Variants in PRSS3 observed in about 807,000 individuals in gnomAD.
PRSS3 encodes serine protease 3.
PRSS3 carries 14 observed loss-of-function variants against 20.8 expected under a neutral mutation model. The observed-to-expected ratio is 0.67, with a 90% CI of 0.44 to 1.05. The LOEUF is 1.05. Among genes scored for constraint, PRSS3 ranks in the 50% least tolerant of loss-of-function variants. The probability of loss-of-function intolerance (pLI) is 0.00; values close to 1 mark genes in which losing one functional copy is unlikely to be tolerated. For missense variants in PRSS3, 237 were observed against 306.4 expected, an observed-to-expected ratio of 0.77 and a Z score of 1.69; for synonymous variants, 91 against 117.6, an observed-to-expected ratio of 0.77 and a Z score of 1.46.
At chr9:33,753,162 T>C (rs1463140347) in intron 1 of PRSS3, among the ~76,000 whole-genome samples, 1 of 152,204 alleles carries the variant, frequency 6.6e-6, no homozygotes, top group East Asian at 1.9e-4. Context: ...AATTTTGTGA[T>C]GGAAGATTGT....
At chr9:33,798,953 T>C in intron 4 of PRSS3, 75 bp from the exon 5 acceptor site, 1 of 1,567,020 alleles carries the variant, frequency 6.4e-7, no homozygotes, top group Non-Finnish European at 8.8e-7. Context: ...AGGGGTCTTT[T>C]AAGGTTCACA....
At chr9:33,760,369 G>A (rs1459757130) in intron 1 of PRSS3, among the ~76,000 whole-genome samples, 1 of 151,980 alleles carries the variant, frequency 6.6e-6, no homozygotes. Flanking sequence ...TCGTTTTTAT[G>A]ATGTATTAAT....
At chr9:33,792,274 C>T (rs752156705), upstream of PRSS3, among the ~76,000 whole-genome samples, 4 of 151,712 alleles carry the variant, frequency 2.6e-5, no homozygotes, top group Non-Finnish European at 5.9e-5. Flanking sequence ...GATGCTGGAA[C>T]CCAAGGAGGA....
chr9:33,793,191 G>A (rs1018235897), upstream of PRSS3, among the ~76,000 whole-genome samples: 2 of 152,030 alleles, frequency 1.3e-5, no homozygotes, highest in East Asian at 3.9e-4. Flanking sequence ...CTTTCAGACA[G>A]AGTCAGAGCC....
At chr9:33,766,062 C>T (rs1823396152) in intron 1 of PRSS3, among the ~76,000 whole-genome samples, 2 of 151,252 alleles carry the variant, frequency 1.3e-5, no homozygotes, top group Admixed American at 6.6e-5. Flanking sequence ...GTCACCAGTT[C>T]GAGATCAGCC....
At chr9:33,783,013 C>T (rs948392309) in intron 1 of PRSS3, among the ~76,000 whole-genome samples, 5 of 152,132 alleles carry the variant, frequency 3.3e-5, no homozygotes, top group African/African-American at 9.7e-5. Flanking sequence ...GTAGTATATC[C>T]ACATGGTGAC....
At chr9:33,793,590 G>A (rs1425970342), upstream of PRSS3, 2 of 698,928 alleles carry the variant, frequency 2.9e-6, no homozygotes, top group Admixed American at 6.3e-5. Flanking sequence ...AAGAAAAGCA[G>A]GAGGAAGGAA....
chr9:33,786,019 G>C (rs1171032047), intron 1 of PRSS3: 1 of 241,366 alleles, frequency 4.1e-6, no homozygotes, highest in South Asian at 1.1e-4. Context: ...ATGCTGCAAG[G>C]CTTGTGCATG....
At chr9:33,788,115 A>G (rs1824486263) in intron 1 of PRSS3, among the ~76,000 whole-genome samples, 1 of 152,196 alleles carries the variant, frequency 6.6e-6, no homozygotes, top group South Asian at 2.1e-4. Flanking sequence ...AAGGGACTGG[A>G]ACAGAGCCCT....
upstream of PRSS3, among the ~76,000 whole-genome samples, chr9:33,795,057 G>C (rs1396737116): frequency 6.8e-6 from 1 of 146,782 alleles, no homozygotes; most frequent in Non-Finnish European, 1.5e-5. Context: ...TTTGTGCACA[G>C]TGACTGCAAA....
intron 1 of PRSS3, among the ~76,000 whole-genome samples, chr9:33,787,424 G>A (rs947659739): frequency 6.6e-6 from 1 of 152,076 alleles, no homozygotes; most frequent in Non-Finnish European, 1.5e-5. Context: ...CAGAGGTTTG[G>A]GGCATGTTGA....
intron 1 of PRSS3, among the ~76,000 whole-genome samples, chr9:33,754,386 A>AAAT (rs1048261981): frequency 4.0e-5 from 6 of 151,810 alleles, no homozygotes; most frequent in East Asian, 1.9e-4. Context: ...TCTTTATAAT[A>AAAT]AATAATAATA....
intron 1 of PRSS3, among the ~76,000 whole-genome samples, chr9:33,773,707 G>A (rs10971696): frequency 0.23 from 34,971 of 152,160 alleles, 4,667 homozygotes; most frequent in East Asian, 0.54. Flanking sequence ...TCAGCGGTGC[G>A]ATCACGGCTC....
chr9:33,761,716 A>G (rs1473519245), intron 1 of PRSS3, among the ~76,000 whole-genome samples: 1 of 151,810 alleles, frequency 6.6e-6, no homozygotes, highest in African/African-American at 2.4e-5. Context: ...CAAAAATAAA[A>G]TAAAATAAAA....
chr9:33,759,518 G>T (rs565324753), intron 1 of PRSS3, among the ~76,000 whole-genome samples: 2 of 152,248 alleles, frequency 1.3e-5, no homozygotes, highest in East Asian at 1.9e-4. Context: ...GTCCAGAATG[G>T]CTCCCAGGAT....
At chr9:33,791,474 AT>A (rs918975511), upstream of PRSS3, among the ~76,000 whole-genome samples, 1 of 152,230 alleles carries the variant, frequency 6.6e-6, no homozygotes, top group Non-Finnish European at 1.5e-5. Context: ...AGTTGACTGG[AT>A]TTATCACCAA....
intron 1 of PRSS3, among the ~76,000 whole-genome samples, chr9:33,776,333 C>G (rs1304068360): frequency 6.6e-6 from 1 of 151,652 alleles, no homozygotes; most frequent in Non-Finnish European, 1.5e-5. Flanking sequence ...TAATGGGAGC[C>G]CCAAAAAGGG....
intron 1 of PRSS3, among the ~76,000 whole-genome samples, chr9:33,751,603 T>C (rs1159276241): frequency 6.6e-6 from 1 of 152,208 alleles, no homozygotes; most frequent in African/African-American, 2.4e-5. Context: ...TTCGACTGCT[T>C]TCTGCCGTGT....
At chr9:33,798,378 C>T (rs1318377907) in intron 3 of PRSS3, 108 bp from the exon 4 acceptor site, 16 of 1,527,154 alleles carry the variant, frequency 1.0e-5, no homozygotes, top group African/African-American at 1.4e-5. Flanking sequence ...GTTTTGGAGT[C>T]CTCTCCAGAG....
Sources: gnomAD v4.1 joint callset for allele counts (sites outside exome capture counted in the v4.1 genomes callset) on GRCh38, gnomAD v4.1.1 for gene constraint, MANE v1.5 for transcripts, NCBI Gene and HGNC (gene_info 2026-07-23, HGNC 2026-07-21) for gene names.